TRAF3: variants seen among roughly 807,000 people sequenced by gnomAD.
TRAF3 encodes TNF receptor associated factor 3, also known as TNF receptor-associated factor 3.
A neutral mutation model predicts 62.3 loss-of-function variants in TRAF3; 13 were observed. The ratio of observed to expected loss-of-function variants is 0.21; its 90% CI spans 0.14 to 0.33. TRAF3 has a LOEUF of 0.33. Among genes scored for constraint, TRAF3 ranks in the 10% least tolerant of loss-of-function variants. TRAF3 has a pLI of 1.00. For synonymous variants in TRAF3, 269 were observed against 283.4 expected, an observed-to-expected ratio of 0.95 and a Z score of 0.51; for missense variants, 440 against 741.8, an observed-to-expected ratio of 0.59 and a Z score of 4.73.
In TRAF3 at chr14:102,870,207, G is replaced by A; in HGVS notation, c.6G>A (p.Glu2=). 6.2e-7 allele frequency: 1 copy of A among 1,614,150 alleles called. No individual in the cohort carries two copies. The highest frequency in any genetic ancestry group is 8.5e-7 in the Non-Finnish European group (1 of 1,180,028). M[E]SSKKMDSPGA... ...CAGAACTCCTCTTTCCTAAAATGGA[G>A]TCGAGTAAAAAGATGGACTCTCCTG... The change falls in exon 3 of 12, where the codon GAG becomes GAA. Residue 2 remains glutamate (E), a synonymous_variant. Coordinates refer to ENST00000392745, the MANE Select transcript of TRAF3 (RefSeq NM_145725.3).
chr14:102,784,723 A>G (rs1020380583), intron 1 of TRAF3, among the ~76,000 whole-genome samples: 3 of 152,220 alleles, frequency 2.0e-5, no homozygotes, highest in African/African-American at 7.2e-5. Context: ...GGCACCATGT[A>G]GTAGGTGCCA....
intron 6 of TRAF3, among the ~76,000 whole-genome samples, chr14:102,879,959 A>G (rs1888953191): frequency 6.6e-6 from 1 of 152,034 alleles, no homozygotes; most frequent in African/African-American, 2.4e-5. Context: ...TCTACGAAAA[A>G]TAAAAATTTA....
chr14:102,891,811 G>C (rs1485954839), intron 9 of TRAF3, among the ~76,000 whole-genome samples: 2 of 152,076 alleles, frequency 1.3e-5, no homozygotes, highest in African/African-American at 4.8e-5. Flanking sequence ...TAAGAGACAT[G>C]TGGACTGTAC....
intron 2 of TRAF3, among the ~76,000 whole-genome samples, chr14:102,864,272 T>C (rs6575932): frequency 0.42 from 64,075 of 150,908 alleles, 18,684 homozygotes; most frequent in African/African-American, 0.83. Context: ...CCTCAGCCTC[T>C]CTAGTAGCTG....
chr14:102,805,005 G>A (rs1269306375), intron 1 of TRAF3, among the ~76,000 whole-genome samples: 1 of 152,132 alleles, frequency 6.6e-6, no homozygotes, highest in African/African-American at 2.4e-5. Flanking sequence ...GACCTTCCCT[G>A]GACGTAGAAG....
chr14:102,869,307 C>A (rs1484114891), intron 2 of TRAF3, among the ~76,000 whole-genome samples: 1 of 152,150 alleles, frequency 6.6e-6, no homozygotes, highest in Non-Finnish European at 1.5e-5. Flanking sequence ...AAGGAACAAC[C>A]CCTGGGCTCC....
intron 9 of TRAF3, among the ~76,000 whole-genome samples, chr14:102,894,345 T>C (rs1889890290): frequency 6.6e-6 from 1 of 152,134 alleles, no homozygotes; most frequent in South Asian, 2.1e-4. Context: ...AGACTGATCC[T>C]CACATTCATA....
chr14:102,835,578 AATG>A (rs1885950187), intron 2 of TRAF3, among the ~76,000 whole-genome samples: 2 of 152,342 alleles, frequency 1.3e-5, no homozygotes, highest in South Asian at 4.1e-4. Context: ...TGTAAGAAAG[AATG>A]AGATCCTCCT....
chr14:102,882,798 A>T (rs925017581), intron 6 of TRAF3, among the ~76,000 whole-genome samples: 2 of 152,094 alleles, frequency 1.3e-5, no homozygotes, highest in Non-Finnish European at 2.9e-5. Context: ...TTTCTTTTCT[A>T]CGTTTAAACT....
chr14:102,859,884 G>C (rs910293976), intron 2 of TRAF3, among the ~76,000 whole-genome samples: 2 of 152,168 alleles, frequency 1.3e-5, no homozygotes, highest in African/African-American at 4.8e-5. Context: ...AGTTTCTATG[G>C]CCTAATAAGC....
chr14:102,811,913 C>CCTTTTTTT (rs1381571409), intron 1 of TRAF3, among the ~76,000 whole-genome samples: 23 of 47,090 alleles, frequency 4.9e-4, no homozygotes, highest in African/African-American at 8.2e-4. Flanking sequence ...ATGCCTGGCC[C>CCTTTTTTT]TTTTTTTTTT....
intron 1 of TRAF3, among the ~76,000 whole-genome samples, chr14:102,796,477 A>C (rs1338443905): frequency 6.6e-6 from 1 of 152,212 alleles, no homozygotes; most frequent in Non-Finnish European, 1.5e-5. Context: ...CCCCAACTTG[A>C]AGCTGGTGGG....
At position 102,856,350 on chromosome 14, in the gene TRAF3, C is replaced by G. The variant is rs562070554; in HGVS notation, c.-17-13835C>G. Reference sequence around the variant, plus strand: ...TTTATGGGAAAGGGGTGGGCAGTATCTGGAACTGAGGGTTTCTCCCCTTTG... The same window carrying G: ...TTTATGGGAAAGGGGTGGGCAGTATGTGGAACTGAGGGTTTCTCCCCTTTG... On this transcript the variant is annotated intron_variant, in intron 2 of 11. Coordinates refer to ENST00000392745, the MANE Select transcript of TRAF3 (RefSeq NM_145725.3). 3.3e-3 allele frequency among the ~76,000 whole-genome samples: 509 copies of G among 152,258 alleles called. 10 individuals carry two copies. Among genetic ancestry groups the G allele is most frequent in the Non-Finnish European group, 5.9e-3 (400 of 68,024 alleles).
intron 2 of TRAF3, among the ~76,000 whole-genome samples, chr14:102,840,063 G>A (rs1251243104): frequency 1.3e-5 from 2 of 151,866 alleles, no homozygotes; most frequent in Admixed American, 6.6e-5. Flanking sequence ...GGTGATTTAC[G>A]CCCCCCAACC....
intron 2 of TRAF3, among the ~76,000 whole-genome samples, chr14:102,835,114 A>G (rs961071991): frequency 2.0e-5 from 3 of 152,240 alleles, no homozygotes; most frequent in Admixed American, 6.5e-5. Context: ...TTAGTTTTCC[A>G]AAGAAGATGC....
chr14:102,863,592 A>G (rs1281862337), intron 2 of TRAF3, among the ~76,000 whole-genome samples: 5 of 152,314 alleles, frequency 3.3e-5, no homozygotes, highest in East Asian at 1.9e-4. Flanking sequence ...TTTCCTGAAC[A>G]TGTACACAGC....
At chr14:102,845,518 A>ATT (rs552851916) in intron 2 of TRAF3, among the ~76,000 whole-genome samples, 142 of 135,856 alleles carry the variant, frequency 1.0e-3, no homozygotes, top group African/African-American at 2.6e-3. Flanking sequence ...TAAAAAAAAA[A>ATT]TTTTTTTTTT....
chr14:102,811,748 TG>T (rs1899173613), intron 1 of TRAF3, among the ~76,000 whole-genome samples: 1 of 149,144 alleles, frequency 6.7e-6, no homozygotes, highest in African/African-American at 2.5e-5. Flanking sequence ...TGTGTGTGTG[TG>T]TGTGTGTGTG....
At chr14:102,812,297 C>T (rs1595312451) in intron 1 of TRAF3, among the ~76,000 whole-genome samples, 1 of 152,026 alleles carries the variant, frequency 6.6e-6, no homozygotes, top group South Asian at 2.1e-4. Context: ...AATATAGTGT[C>T]CTCCACTTCT....
Sources: gnomAD v4.1 joint callset for allele counts (sites outside exome capture counted in the v4.1 genomes callset) on GRCh38, gnomAD v4.1.1 for gene constraint, MANE v1.5 for transcripts, NCBI Gene and HGNC (gene_info 2026-07-23, HGNC 2026-07-21) for gene names.